PISD: variants seen among roughly 807,000 people sequenced by gnomAD.
PISD encodes phosphatidylserine decarboxylase.
Under a neutral mutation model 43.5 loss-of-function variants are expected in PISD, and 31 were observed. That is an observed-to-expected ratio of 0.71 (90% CI 0.54 to 0.96). The LOEUF (loss-of-function observed/expected upper bound fraction) is 0.96. Ranked by LOEUF, PISD falls within the 40% of genes least tolerant of loss-of-function variation. PISD has a pLI of 0.00. For missense variants in PISD, 523 were observed against 548.4 expected, an observed-to-expected ratio of 0.95 and a Z score of 0.46; for synonymous variants, 259 against 228.7, an observed-to-expected ratio of 1.13 and a Z score of -1.20.
At chr22:31,622,876 C>T (rs2072661070) in intron 3 of PISD, among the ~76,000 whole-genome samples, 1 of 152,218 alleles carries the variant, frequency 6.6e-6, no homozygotes, top group Admixed American at 6.5e-5. Flanking sequence ...CTAAACACAA[C>T]CAAGACACCA....
rs769038694 is a variant in PISD, at chr22:31,621,429, T to G, written c.602A>C (p.Lys201Thr). The G allele has an allele frequency of 6.2e-7, 1 of 1,614,148 alleles. No homozygotes were observed. The highest frequency in any genetic ancestry group is 1.7e-5 in the Admixed American group (1 of 60,030). The change falls in exon 5 of 8, where the codon AAG becomes ACG. Residue 201 changes from lysine to threonine, a missense_variant. Transcript: ENST00000439502. Reference sequence around the variant, plus strand: ...CTTTACCTGCTCCACCTCACAGTTCTTCACCTGCCCAAAGTTGAGGATCCT... The same window carrying G: ...CTTTACCTGCTCCACCTCACAGTTCGTCACCTGCCCAAAGTTGAGGATCCT... ...DGRILNFGQVKNCEVEQVKGV... is the reference protein window; with the variant it reads ...DGRILNFGQVTNCEVEQVKGV...
At chr22:31,634,565 G>A (rs114639710) in intron 3 of PISD, among the ~76,000 whole-genome samples, 1,568 of 152,254 alleles carry the variant, frequency 0.01, 25 homozygotes, top group African/African-American at 0.037. Context: ...GGCCAGACGT[G>A]GTGACTTAGT....
At chr22:31,652,333 G>A (rs1034871451) in intron 1 of PISD, among the ~76,000 whole-genome samples, 11 of 151,966 alleles carry the variant, frequency 7.2e-5, no homozygotes, top group South Asian at 2.1e-4. Flanking sequence ...GTTTCACCAC[G>A]TTGGCCAGGC....
At chr22:31,633,478 G>C (rs376235044) in intron 3 of PISD, among the ~76,000 whole-genome samples, 1 of 152,194 alleles carries the variant, frequency 6.6e-6, no homozygotes, top group African/African-American at 2.4e-5. Context: ...CACTTTGGGA[G>C]GCCGAGGCAG....
In PISD at chr22:31,645,037, G is replaced by A. The variant is rs113001421; in HGVS notation, c.321+3064C>T. On this transcript the variant is annotated intron_variant, in intron 3 of 7. Transcript: ENST00000439502. ...CTTGGGAGGCTGAGGCAGGAGAATCGCTTGAACCCAAGGGTGGAGCTTGCA... is the reference window on the plus strand; with the variant it reads ...CTTGGGAGGCTGAGGCAGGAGAATCACTTGAACCCAAGGGTGGAGCTTGCA... Among the ~76,000 whole-genome samples the A allele has an allele frequency of 6.1e-3, 935 of 152,122 alleles. 8 individuals are homozygous for A. The highest frequency in any genetic ancestry group is 0.01 in the Non-Finnish European group (699 of 68,004).
intron 6 of PISD, 124 bp from the exon 7 acceptor site, chr22:31,620,837 G>A (rs1052481844): frequency 3.6e-6 from 5 of 1,406,692 alleles, no homozygotes. Context: ...TGAGCTGACT[G>A]GGCCCCACGG....
chr22:31,625,836 G>C, intron 3 of PISD: 1 of 1,591,816 alleles, frequency 6.3e-7, no homozygotes, highest in South Asian at 1.1e-5. Context: ...AGGGAGGGCG[G>C]GGCGAGGCTC....
At chr22:31,619,923 T>G in intron 7 of PISD, 87 bp from the exon 8 acceptor site, 4 of 871,098 alleles carry the variant, frequency 4.6e-6, no homozygotes, top group South Asian at 1.7e-5. Context: ...CCACTCCCTC[T>G]GTTGCTTGTC....
rs1228915479 is a variant in PISD, at chr22:31,648,087, C to G, written c.321+14G>C. ...GCTGGACGAGAACCCAAGGCAGTTC[C>G]ACCTCATTCCTACCTCCCAGTGACC... is the stretch of plus-strand genomic sequence containing the variant. On this transcript the variant is annotated intron_variant, in intron 3 of 7. Transcript: ENST00000439502. 6.2e-7 allele frequency: 1 copy of G among 1,605,590 alleles called. No individual in the cohort carries two copies. The highest frequency in any genetic ancestry group is 2.2e-5 in the East Asian group (1 of 44,782).
chr22:31,624,260 C>T (rs1002082774), intron 3 of PISD, among the ~76,000 whole-genome samples: 1 of 152,194 alleles, frequency 6.6e-6, no homozygotes, highest in African/African-American at 2.4e-5. Flanking sequence ...CATCCCTCAG[C>T]CTCCGCAGCC....
chr22:31,632,369 A>G (rs76456031), intron 3 of PISD: 10,877 of 281,918 alleles, frequency 0.039, 294 homozygotes, highest in African/African-American at 0.075. Flanking sequence ...AGCATGTGGT[A>G]CAGGGGTGGC....
At chr22:31,633,289 T>C (rs921291620) in intron 3 of PISD, among the ~76,000 whole-genome samples, 2 of 152,232 alleles carry the variant, frequency 1.3e-5, no homozygotes, top group Non-Finnish European at 2.9e-5. Flanking sequence ...TCTGCACACA[T>C]TCTACCTCCC....
At chr22:31,649,815 TAA>T (rs1473555403) in intron 2 of PISD, among the ~76,000 whole-genome samples, 1 of 152,084 alleles carries the variant, frequency 6.6e-6, no homozygotes, top group East Asian at 1.9e-4. Context: ...GGTGTCCTTA[TAA>T]AAAGGGAAAA....
In PISD at chr22:31,619,745, C is replaced by G. The variant is rs567105342; in HGVS notation, c.1097G>C (p.Arg366Pro). The G allele has an allele frequency of 8.7e-6, 14 of 1,614,184 alleles. No individual in the cohort carries two copies. The Admixed American group carries it at 1.8e-4, about 21-fold the overall frequency. Residue 366 changes from arginine to proline, a missense_variant, in exon 8 of 8, where the codon CGT becomes CCT. Physicochemically the swap from Arg to Pro is moderately radical, Grantham distance 103. Coordinates refer to ENST00000439502, the MANE Select transcript of PISD (RefSeq NM_001326411.2). ...GAACTCGCCCAGGTGCTCGCCCTTACGCATGGGGACGCCCTCTCTATTGGT... is the reference window on the plus strand; with the variant it reads ...GAACTCGCCCAGGTGCTCGCCCTTAGGCATGGGGACGCCCTCTCTATTGGT... ...THTNREGVPM[R>P]KGEHLGEFNL...
At chr22:31,646,771 C>CA (rs2073898802) in intron 3 of PISD, among the ~76,000 whole-genome samples, 5 of 152,152 alleles carry the variant, frequency 3.3e-5, no homozygotes, top group Admixed American at 3.3e-4. Context: ...GGGAAACCAG[C>CA]AACGCCACAG....
Position 31,618,722 on chromosome 22 carries a change from T to A in PISD, c.*890A>T, listed in dbSNP as rs940128375. The A allele has an allele frequency of 4.0e-5, 11 of 272,960 alleles. No homozygotes were observed. Among genetic ancestry groups the A allele is most frequent in the African/African-American group, 2.2e-4 (10 of 45,550 alleles). The allele number at this position is 272,960 out of a possible 1,614,324, so 16.9% of individuals were successfully genotyped here. On this transcript the variant is annotated 3_prime_UTR_variant, in exon 8 of 8. Transcript: ENST00000439502. ...TGCGTTCCTGATAAACTGGGACAGG[T>A]TTTCCAGGCACTGACCAACTATCCA... is the stretch of plus-strand genomic sequence containing the variant.
chr22:31,621,798 TGCGCAGCCA>T lies in PISD; in HGVS notation c.400_408del (p.Trp134_Arg136del). On this transcript the variant is annotated inframe_deletion, in exon 4 of 8. Transcript: ENST00000439502. ...CAGATGTACAGGCTGTAGACGGGCC[TGCGCAGCCA>T]GTGTGGCAGCTCCACCTGATTGAGG... The T allele has an allele frequency of 6.2e-7, 1 of 1,613,824 alleles. No individual in the cohort carries two copies. The highest frequency in any genetic ancestry group is 8.5e-7 in the Non-Finnish European group (1 of 1,180,024).
upstream of PISD, chr22:31,662,439 C>T: frequency 3.6e-6 from 2 of 557,172 alleles, no homozygotes; most frequent in Non-Finnish European, 6.5e-6. Context: ...GCAGCACTGC[C>T]ACTCCTCCTC....
At position 31,630,145 on chromosome 22, in the gene PISD, C is replaced by T. The variant is rs56227594; in HGVS notation, c.322-8260G>A. 0.055 allele frequency: 8,377 copies of T among 152,188 alleles called. 207 individuals are homozygous for T. Among genetic ancestry groups the T allele is most frequent in the Non-Finnish European group, 0.065 (4,418 of 68,046 alleles). 9.4% of individuals were successfully genotyped at this position (152,188 alleles called of 1,614,324 possible). A position where few individuals can be genotyped will look rare whatever the true frequency, so the allele number is the denominator to read the frequency against. Reference sequence around the variant, plus strand: ...CAAGTAGGAGACGGGGAAAATGGTCCTCCCTGGGCGACATGGACCAGAGTC... The same window carrying T: ...CAAGTAGGAGACGGGGAAAATGGTCTTCCCTGGGCGACATGGACCAGAGTC... On this transcript the variant is annotated intron_variant, in intron 3 of 7. Transcript: ENST00000439502. The surrounding 1 kb of genome is among the most constrained non-coding windows in gnomAD (Gnocchi z 4.4).
Sources: gnomAD v4.1 joint callset for allele counts (sites outside exome capture counted in the v4.1 genomes callset) on GRCh38, gnomAD v4.1.1 for gene constraint, Gnocchi (gnomAD v3.1) non-coding constraint, MANE v1.5 for transcripts, NCBI Gene and HGNC (gene_info 2026-07-23, HGNC 2026-07-21) for gene names.